Variants in TFAP4 observed in about 807,000 individuals in gnomAD.
TFAP4 encodes the protein transcription factor AP-4, also known as activating enhancer-binding protein 4.
A neutral mutation model predicts 40.4 loss-of-function variants in TFAP4; 7 were observed. The observed-to-expected ratio is 0.17, with a 90% CI of 0.10 to 0.33. The LOEUF is 0.33. TFAP4 is among the 10% of genes least tolerant of loss of function. TFAP4 has a pLI of 1.00. For missense variants in TFAP4, 374 were observed against 451.1 expected (o/e 0.83, Z 1.55); for synonymous variants, 218 against 181.4 (o/e 1.20, Z -1.62).
At chr16:4,266,447 C>T (rs2052996375) in intron 1 of TFAP4, 1 of 152,128 alleles carries the variant, frequency 6.6e-6, no homozygotes, top group Admixed American at 6.6e-5. Context: ...TCAAATATAA[C>T]TCACCTAAAT....
At chr16:4,268,956 T>C (rs940528030) in intron 1 of TFAP4, among the ~76,000 whole-genome samples, 3 of 151,908 alleles carry the variant, frequency 2.0e-5, no homozygotes, top group African/African-American at 4.8e-5. Context: ...GCTATGATCA[T>C]AGCTCACTGC....
chr16:4,272,620 A>G (rs1330334347), intron 1 of TFAP4, 38 bp downstream of exon 1: 1 of 1,476,454 alleles, frequency 6.8e-7, no homozygotes, highest in Non-Finnish European at 9.1e-7. Context: ...CGGGGGCTGC[A>G]GTGGTAGGAA....
At position 4,258,257 on chromosome 16, in the gene TFAP4, G is replaced by C; in HGVS notation, c.823-8C>G. The C allele has an allele frequency of 4.5e-6, 7 of 1,568,488 alleles. No individual in the cohort carries two copies. Among genetic ancestry groups the C allele is most frequent in the Non-Finnish European group, 6.1e-6 (7 of 1,153,912 alleles). On this transcript the variant is annotated splice_region_variant and splice_polypyrimidine_tract_variant and intron_variant, in intron 6 of 6. Coordinates refer to ENST00000204517, the MANE Select transcript of TFAP4 (RefSeq NM_003223.3). Reference sequence around the variant, plus strand: ...CTCGATGTGCTGGATTGCCTGGACAGGGACGAACCACTGAGAAGGCTCGGC... The same window carrying C: ...CTCGATGTGCTGGATTGCCTGGACACGGACGAACCACTGAGAAGGCTCGGC...
rs2052909417 is a variant in TFAP4 at position 4,257,875 on chromosome 16, A to G, written c.*180T>C. The G allele has an allele frequency of 1.6e-6, 1 of 609,206 alleles. No homozygotes were observed. The highest frequency in any genetic ancestry group is 1.9e-5 in the African/African-American group (1 of 52,000). 37.7% of individuals were successfully genotyped at this position (609,206 alleles called of 1,614,324 possible). A position where few individuals can be genotyped will look rare whatever the true frequency, so the allele number is the denominator to read the frequency against. Reference sequence around the variant, plus strand: ...CGCTCTGCGACACCCCAGCCCCGGGACCTCGGGTTGAGTGGCTTCGTTCAA... The same window carrying G: ...CGCTCTGCGACACCCCAGCCCCGGGGCCTCGGGTTGAGTGGCTTCGTTCAA... On this transcript the variant is annotated 3_prime_UTR_variant, in exon 7 of 7. Transcript: ENST00000204517.
chr16:4,260,726 G>T, intron 4 of TFAP4, 131 bp from the exon 5 acceptor site: 2 of 1,080,388 alleles, frequency 1.9e-6, no homozygotes, highest in African/African-American at 1.6e-5. Context: ...GAGGCCAGAA[G>T]CCTTTCCAGA....
In TFAP4 at chr16:4,262,635, G is replaced by A. The variant is rs777971498; in HGVS notation, c.156C>T (p.Ile52=). 4 of 1,611,422 alleles carry A rather than the reference G, an allele frequency of 2.5e-6. No homozygotes were observed. The highest frequency in any genetic ancestry group is 3.3e-5 in the Admixed American group (2 of 59,974). The change falls in exon 2 of 7, where the codon ATC becomes ATT. Residue 52 remains isoleucine, a synonymous_variant. Coordinates refer to ENST00000204517, the MANE Select transcript of TFAP4 (RefSeq NM_003223.3). The part of the protein sequence containing the change: ...RDQERRIRRE[I]ANSNERRRMQ... ...TGCGTCTCCGCTCGTTGCTGTTGGC[G>A]ATCTCCCGCCGAATCCGCCGCTCCT...
intron 1 of TFAP4, chr16:4,266,152 C>T (rs1373563666): frequency 1.3e-5 from 2 of 152,268 alleles, no homozygotes; most frequent in East Asian, 3.9e-4. Context: ...GACCCCAGTC[C>T]CGAAAACCCC....
At position 4,257,919 on chromosome 16, in the gene TFAP4, G is replaced by A. The variant is rs1209991343; in HGVS notation, c.*136C>T. On this transcript the variant is annotated 3_prime_UTR_variant, in exon 7 of 7. Transcript: ENST00000204517. ...CGTTCAAAGGTCGATTTACAGTATT[G>A]AAAAAGAGGTCATAAAAGAGACCCA... is the stretch of plus-strand genomic sequence containing the variant. 6 of 866,406 alleles carry A rather than the reference G, an allele frequency of 6.9e-6. No individual in the cohort carries two copies. The East Asian group carries it at 1.6e-4, about 24-fold the overall frequency. 53.7% of individuals were successfully genotyped at this position (866,406 alleles called of 1,614,324 possible). A position where few individuals can be genotyped will look rare whatever the true frequency, so the allele number is the denominator to read the frequency against.
chr16:4,260,069 C>G, intron 6 of TFAP4, 21 bp downstream of exon 6: 1 of 1,603,944 alleles, frequency 6.2e-7, no homozygotes, highest in Non-Finnish European at 8.5e-7. Flanking sequence ...CACAAGCTGC[C>G]CCTTTCTCAA....
At position 4,262,521 on chromosome 16, in the gene TFAP4, C is replaced by T. The variant is rs764951287; in HGVS notation, c.255+15G>A. 6.2e-7 allele frequency: 1 copy of T among 1,612,716 alleles called. No individual in the cohort carries two copies. Among genetic ancestry groups the T allele is most frequent in the African/African-American group, 1.3e-5 (1 of 75,062 alleles). ...CTGCCGGCTCCTCCAGGAAGCCCTCCCTGCTCTCACCCACCTTGCTGAGCT... is the reference window on the plus strand; with the variant it reads ...CTGCCGGCTCCTCCAGGAAGCCCTCTCTGCTCTCACCCACCTTGCTGAGCT... On this transcript the variant is annotated intron_variant, in intron 2 of 6. Coordinates refer to ENST00000204517, the MANE Select transcript of TFAP4 (RefSeq NM_003223.3).
chr16:4,269,037 G>A (rs377121095), intron 1 of TFAP4, among the ~76,000 whole-genome samples: 6 of 151,742 alleles, frequency 4.0e-5, no homozygotes, highest in African/African-American at 1.5e-4. Flanking sequence ...ACAGGCACAT[G>A]CCACCATGCC....
rs71139626 is a variant in TFAP4, at chr16:4,272,954, A to ATGTGTGTGTG, written c.-218_-209dup. ...CCGGCCTGCCTCCCCGGGCGTGTGT[A>ATGTGTGTGTG]TGTGTGTGTGTGTGTGTGTGTGTGT... On this transcript the variant is annotated 5_prime_UTR_variant, in exon 1 of 7. Transcript: ENST00000204517. The ATGTGTGTGTG allele has an allele frequency of 9.8e-4, 153 of 156,256 alleles. 1 individual carries two copies. The highest frequency in any genetic ancestry group is 2.5e-3 in the Middle Eastern group (1 of 398). 9.7% of individuals were successfully genotyped at this position (156,256 alleles called of 1,614,324 possible). A position where few individuals can be genotyped will look rare whatever the true frequency, so the allele number is the denominator to read the frequency against.
intron 1 of TFAP4, among the ~76,000 whole-genome samples, chr16:4,271,387 G>A (rs1018769584): frequency 4.6e-5 from 7 of 152,260 alleles, no homozygotes; most frequent in African/African-American, 1.7e-4. Flanking sequence ...TTTCGCTCCT[G>A]GAGCAGCGCG....
In TFAP4 at chr16:4,262,100, A is replaced by G. The variant is rs1237220243; in HGVS notation, c.355-151T>C. The G allele has an allele frequency of 4.2e-6, 4 of 949,028 alleles. No individual in the cohort carries two copies. The Admixed American group carries it at 1.1e-4, about 27-fold the overall frequency. The allele number at this position is 949,028 out of a possible 1,614,324, so 58.8% of individuals were successfully genotyped here. Reference sequence around the variant, plus strand: ...AAGTCCAACAAACCAGCCAAATGCCAGGAGAATGGGCTGCTTTACATAACA... The same window carrying G: ...AAGTCCAACAAACCAGCCAAATGCCGGGAGAATGGGCTGCTTTACATAACA... On this transcript the variant is annotated intron_variant, in intron 3 of 6. Coordinates refer to ENST00000204517, the MANE Select transcript of TFAP4 (RefSeq NM_003223.3).
chr16:4,271,200 C>A (rs1162440079), intron 1 of TFAP4, among the ~76,000 whole-genome samples: 1 of 152,224 alleles, frequency 6.6e-6, no homozygotes, highest in Non-Finnish European at 1.5e-5. Context: ...GTGGGGACCC[C>A]CGGGGCAGAG....
At chr16:4,260,674 C>G in intron 4 of TFAP4, 79 bp from the exon 5 acceptor site, 2 of 1,471,942 alleles carry the variant, frequency 1.4e-6, no homozygotes, top group African/African-American at 1.4e-5. Flanking sequence ...AGCTCATTCA[C>G]TCCTGCTGAA....
chr16:4,259,839 C>A (rs1480235251), intron 6 of TFAP4, among the ~76,000 whole-genome samples: 3 of 152,214 alleles, frequency 2.0e-5, no homozygotes, highest in Non-Finnish European at 4.4e-5. Flanking sequence ...CCGGAAACCC[C>A]ATATTGAGGG....
chr16:4,272,671 C>T lies in TFAP4; in HGVS notation c.76G>A (p.Gly26Arg). 6.2e-7 allele frequency: 1 copy of T among 1,612,650 alleles called. No homozygotes were observed. Among genetic ancestry groups the T allele is most frequent in the Non-Finnish European group, 8.5e-7 (1 of 1,179,232 alleles). Reference sequence around the variant, plus strand: ...AGGAGTACACACCTACAGAGCCCTCCTATCACTTCTTTCTCTGTTTTCCTG... The same window carrying T: ...AGGAGTACACACCTACAGAGCCCTCTTATCACTTCTTTCTCTGTTTTCCTG... The part of the protein sequence containing the change: ...HFRKTEKEVI[G>R]GLCSLANIPL... The change falls in exon 1 of 7, where the codon GGA (glycine) becomes AGA (arginine). Residue 26 changes from glycine (G) to arginine (R), a missense_variant. Around this residue, in one of 6 missense-constraint regions of TFAP4, gnomAD observed 51 missense variants for 59.3 expected, o/e 0.86. Transcript: ENST00000204517.
intron 6 of TFAP4, chr16:4,258,736 C>T (rs992314974): frequency 6.5e-6 from 1 of 153,240 alleles, no homozygotes; most frequent in African/African-American, 2.4e-5. Context: ...CTTTCAAAAC[C>T]CCTCTGTTAA....
Sources: allele counts gnomAD v4.1 joint callset (sites outside exome capture counted in the v4.1 genomes callset), GRCh38; gene constraint gnomAD v4.1.1; regional missense constraint gnomAD v4.1.1; transcripts MANE v1.5; gene names NCBI Gene and HGNC (gene_info 2026-07-23, HGNC 2026-07-21).